The following BDNF variants were observed in gnomAD, a reference collection of about 807,000 sequenced individuals.
The protein encoded by BDNF is neurotrophic factor BDNF precursor form.
In BDNF, 1 loss-of-function variant was observed where a neutral mutation model predicts 19.5. The ratio of observed to expected loss-of-function variants is 0.05; its 90% confidence interval spans 0.02 to 0.24. BDNF has a LOEUF of 0.24. Ranked by LOEUF, BDNF falls within the 10% of genes least tolerant of loss-of-function variation. The pLI is 1.00. For synonymous variants in BDNF, 100 were observed against 121.6 expected (o/e 0.82, Z 1.17); for missense variants, 195 against 317.6 (o/e 0.61, Z 2.93).
chr11:27,698,703 TA>T (rs1859489463), intron 1 of BDNF, among the ~76,000 whole-genome samples: 5 of 152,120 alleles, frequency 3.3e-5, no homozygotes. Context: ...CGTTCCCAAT[TA>T]CATATTACTT....
At chr11:27,709,611 T>G (rs1860246580) in intron 1 of BDNF, among the ~76,000 whole-genome samples, 1 of 152,218 alleles carries the variant, frequency 6.6e-6, no homozygotes, top group Non-Finnish European at 1.5e-5. Context: ...AAGGCCCAGA[T>G]AGTAGTCAAA....
chr11:27,701,992 C>G (rs1336784174), upstream of BDNF, among the ~76,000 whole-genome samples: 1 of 149,818 alleles, frequency 6.7e-6, no homozygotes, highest in African/African-American at 2.5e-5. Flanking sequence ...CTGCCCGCAG[C>G]AAAAGAGCAA....
intron 1 of BDNF, among the ~76,000 whole-genome samples, chr11:27,663,997 G>A (rs1159418380): frequency 6.6e-6 from 1 of 151,454 alleles, no homozygotes; most frequent in South Asian, 2.1e-4. Context: ...CCAAAGGTGG[G>A]AAAACAAGCA....
chr11:27,681,173 G>C (rs143535166), intron 1 of BDNF, among the ~76,000 whole-genome samples: 5 of 152,306 alleles, frequency 3.3e-5, no homozygotes, highest in Non-Finnish European at 7.4e-5. Flanking sequence ...TCTACACACA[G>C]AGAATTCAAG....
chr11:27,703,991 T>A (rs773732844), upstream of BDNF, among the ~76,000 whole-genome samples: 37 of 152,256 alleles, frequency 2.4e-4, no homozygotes, highest in Non-Finnish European at 4.7e-4. Flanking sequence ...TTAATTCAGG[T>A]AGCATATAGA....
At position 27,659,648 on chromosome 11, in the gene BDNF, T is replaced by TGC. The variant is rs202011320; in HGVS notation, c.-21-1065_-21-1064dup. 6,766 of 980,298 alleles carry TGC rather than the reference T, an allele frequency of 6.9e-3. 7 individuals carry two copies. The highest frequency in any genetic ancestry group is 0.014 in the African/African-American group (758 of 54,866). 60.7% of individuals were successfully genotyped at this position (980,298 alleles called of 1,614,324 possible). A position where few individuals can be genotyped will look rare whatever the true frequency, so the allele number is the denominator to read the frequency against. On this transcript the variant is annotated intron_variant, in intron 1 of 1. Transcript: ENST00000356660. ...TTCTCTCTGTGTGTGTGTGTGTGTG[T>TGC]GCGCGCGCGCGTGTGCGCGCGCTCT... is the stretch of plus-strand genomic sequence containing the variant.
chr11:27,693,989 A>C (rs1858646061), intron 1 of BDNF, among the ~76,000 whole-genome samples: 1 of 152,140 alleles, frequency 6.6e-6, no homozygotes, highest in Non-Finnish European at 1.5e-5. Context: ...TTTTCTGAAA[A>C]AGAAAGTTTT....
Position 27,657,564 on chromosome 11 carries a change from T to C in BDNF, c.*257A>G. 8.0e-7 allele frequency: 1 copy of C among 1,250,440 alleles called. No individual in the cohort carries two copies. The highest frequency in any genetic ancestry group is 3.4e-5 in the East Asian group (1 of 29,052). 77.5% of individuals were successfully genotyped at this position (1,250,440 alleles called of 1,614,324 possible). ...TTTAACTTTTTATGTTTTCAGTTCT[T>C]GGCAACGGCAACAAACCACAACATT... On this transcript the variant is annotated 3_prime_UTR_variant, in exon 2 of 2. Transcript: ENST00000356660. The surrounding 1 kb of genome is among the most constrained non-coding windows in gnomAD (Gnocchi z 5.0).
At chr11:27,671,184 C>A (rs1855311795) in intron 1 of BDNF, among the ~76,000 whole-genome samples, 1 of 151,940 alleles carries the variant, frequency 6.6e-6, no homozygotes, top group African/African-American at 2.4e-5. Context: ...GGAGGGATAG[C>A]ATTAGGAGAT....
chr11:27,720,704 C>A (rs893948291), intron 1 of BDNF: 160 of 985,862 alleles, frequency 1.6e-4, no homozygotes, highest in Non-Finnish European at 1.9e-4. Flanking sequence ...GAATGGACTC[C>A]TATCGCCCGG....
At chr11:27,695,215 A>G (rs1202423827) in intron 1 of BDNF, among the ~76,000 whole-genome samples, 1 of 151,852 alleles carries the variant, frequency 6.6e-6, no homozygotes, top group African/African-American at 2.4e-5. Context: ...TATTACTTCA[A>G]TTTTTGGTGA....
intron 1 of BDNF, among the ~76,000 whole-genome samples, chr11:27,715,109 T>C (rs183504058): frequency 1.3e-5 from 2 of 152,292 alleles, no homozygotes; most frequent in East Asian, 3.9e-4. Flanking sequence ...GCAAATTATG[T>C]GTTGCCAATT....
chr11:27,658,576 C>T lies in BDNF; in HGVS notation c.-12G>A. 1 of 1,614,202 alleles carries T rather than the reference C, an allele frequency of 6.2e-7. No homozygotes were observed. The highest frequency in any genetic ancestry group is 2.2e-5 in the East Asian group (1 of 44,886). On this transcript the variant is annotated 5_prime_UTR_variant, in exon 2 of 2. The change creates a new upstream start codon in the 5' untranslated region. Coordinates refer to ENST00000356660, the MANE Select transcript of BDNF (RefSeq NM_001709.5). The surrounding 1 kb of genome is among the most constrained non-coding windows in gnomAD (Gnocchi z 5.7). ...AAAAGGATGGTCATCACTCTTCTCACCTGGTGGAACTGTAGGGAGAAAGCA... is the reference window on the plus strand; with the variant it reads ...AAAAGGATGGTCATCACTCTTCTCATCTGGTGGAACTGTAGGGAGAAAGCA...
chr11:27,710,033 CA>C lies in BDNF; in HGVS notation c.3+11378del, dbSNP rs1860264032. ...CATCATATTACTTAGTTATCTCTGA[CA>C]AAGCTTTAGGTGGACTTTTTCATAC... On this transcript the variant is annotated intron_variant, in intron 1 of 1. Transcript: ENST00000314915. Among the ~76,000 whole-genome samples, 4 of 152,212 alleles carry C rather than the reference CA, an allele frequency of 2.6e-5. No homozygotes were observed. The South Asian group carries it at 8.3e-4, about 31-fold the overall frequency.
chr11:27,721,282 A>T (rs1026908549), intron 1 of BDNF: 2 of 1,089,876 alleles, frequency 1.8e-6, no homozygotes, highest in African/African-American at 1.6e-5. Flanking sequence ...CTGTGTAAAA[A>T]CCCGATTCCC....
chr11:27,674,179 C>T (rs1855778350), intron 1 of BDNF: 2 of 1,608,896 alleles, frequency 1.2e-6, no homozygotes, highest in South Asian at 2.2e-5. Flanking sequence ...GGGTAGACGC[C>T]AAAACATGTG....
At position 27,705,561 on chromosome 11, in the gene BDNF, G is replaced by T. The variant is rs118020295; in HGVS notation, c.3+15851C>A. On this transcript the variant is annotated intron_variant, in intron 1 of 1. Coordinates refer to the BDNF transcript ENST00000314915. The stretch of plus-strand genomic sequence containing the variant: ...CACTAAGAATTTGGCCTACTTTCAT[G>T]TGATTCTGATACATGAATCTACAAA... 5.1e-3 allele frequency among the ~76,000 whole-genome samples: 784 copies of T among 152,302 alleles called. 7 individuals are homozygous for T. Among genetic ancestry groups the T allele is most frequent in the South Asian group, 0.021 (103 of 4,830 alleles).
chr11:27,706,758 A>G lies in BDNF; in HGVS notation c.3+14654T>C, dbSNP rs184555069. Among the ~76,000 whole-genome samples the G allele has an allele frequency of 6.6e-5, 10 of 152,318 alleles. No homozygotes were observed. The East Asian group carries it at 1.9e-3, about 29-fold the overall frequency. On this transcript the variant is annotated intron_variant, in intron 1 of 1. Transcript: ENST00000314915. ...GAATTATCTGGACACAGCTGTTGGG[A>G]AAAACTAAAGGGAAGATTCAATCAG...
chr11:27,675,539 T>G (rs549430381), intron 1 of BDNF: 1 of 152,136 alleles, frequency 6.6e-6, no homozygotes, highest in Non-Finnish European at 1.5e-5. Flanking sequence ...AACATGCCTT[T>G]AAAAAAAATC....
Sources: allele counts gnomAD v4.1 joint callset (sites outside exome capture counted in the v4.1 genomes callset), GRCh38; gene constraint gnomAD v4.1.1; non-coding constraint Gnocchi (gnomAD v3.1); transcripts MANE v1.5; gene names NCBI Gene and HGNC (gene_info 2026-07-23, HGNC 2026-07-21).